The following WWP1 variants were observed in gnomAD, a reference collection of about 807,000 sequenced individuals.
The protein encoded by WWP1 is WW domain containing E3 ubiquitin protein ligase 1, also known as NEDD4-like E3 ubiquitin-protein ligase WWP1.
Under a neutral mutation model 130.6 loss-of-function variants are expected in WWP1, and 49 were observed. That is an observed-to-expected ratio of 0.38 (90% CI 0.30 to 0.48). The LOEUF (loss-of-function observed/expected upper bound fraction) is 0.48, where lower values mean the gene tolerates loss of function less well. WWP1 is among the 20% of genes least tolerant of loss of function. WWP1 has a pLI of 0.99. For missense variants in WWP1, 809 were observed against 1,100.6 expected, an observed-to-expected ratio of 0.74 and a Z score of 3.75; for synonymous variants, 332 against 367.8, an observed-to-expected ratio of 0.90 and a Z score of 1.11.
chr8:86,361,796 T>G (rs1030003738), intron 1 of WWP1, among the ~76,000 whole-genome samples: 1 of 151,952 alleles, frequency 6.6e-6, no homozygotes, highest in African/African-American at 2.4e-5. Context: ...TTAAGGTGCT[T>G]TTGTTCTTCT....
In WWP1 at chr8:86,445,976, C is replaced by CTTTTCT. The variant is rs1216312552; in HGVS notation, c.1999-2168_1999-2167insCTTTTT. ...CTTTTCTTTTCTTTTCTTTTCTTTT[C>CTTTTCT]TTTTTTTTTTTTTTTTTTTTTTGAG... On this transcript the variant is annotated intron_variant, in intron 18 of 24. Coordinates refer to ENST00000517970, the MANE Select transcript of WWP1 (RefSeq NM_007013.4). Among the ~76,000 whole-genome samples the CTTTTCT allele has an allele frequency of 1.5e-3, 125 of 84,988 alleles. 2 individuals are homozygous for CTTTTCT. The highest frequency in any genetic ancestry group is 3.2e-3 in the African/African-American group (74 of 23,336). 55.8% of individuals were successfully genotyped at this position (84,988 alleles called of 152,430 possible). A position where few individuals can be genotyped will look rare whatever the true frequency, so the allele number is the denominator to read the frequency against.
chr8:86,353,238 A>G (rs1233329889), intron 1 of WWP1, among the ~76,000 whole-genome samples: 1 of 151,474 alleles, frequency 6.6e-6, no homozygotes, highest in Admixed American at 6.6e-5. Flanking sequence ...ACTGTTATTT[A>G]GGGCCAAAGT....
Position 86,430,577 on chromosome 8 carries a change from C to T in WWP1, c.1333-120C>T, listed in dbSNP as rs540508029. ...CAGGCATGAGCCACTGCGCCCAACC[C>T]CTTATCATATTTTTAGAAAATTATT... is the stretch of plus-strand genomic sequence containing the variant. On this transcript the variant is annotated intron_variant, in intron 11 of 24. Coordinates refer to ENST00000517970, the MANE Select transcript of WWP1 (RefSeq NM_007013.4). 5.2e-5 allele frequency: 38 copies of T among 730,408 alleles called. 1 individual carries two copies. The East Asian group carries it at 1.1e-3, about 21-fold the overall frequency. The allele number at this position is 730,408 out of a possible 1,614,324, so 45.2% of individuals were successfully genotyped here.
intron 3 of WWP1, among the ~76,000 whole-genome samples, chr8:86,379,432 T>A (rs1824858987): frequency 6.6e-6 from 1 of 152,190 alleles, no homozygotes; most frequent in Non-Finnish European, 1.5e-5. Context: ...AATGGAAGCT[T>A]ACATAGCTTT....
At chr8:86,399,123 T>C (rs1807834847) in intron 7 of WWP1, among the ~76,000 whole-genome samples, 1 of 152,226 alleles carries the variant, frequency 6.6e-6, no homozygotes, top group African/African-American at 2.4e-5. Context: ...TTGCAGCATA[T>C]ACAGTGCTTT....
Position 86,407,988 on chromosome 8 carries a change from G to A in WWP1, c.725-3550G>A, listed in dbSNP as rs149322653. On this transcript the variant is annotated intron_variant, in intron 8 of 24. Coordinates refer to ENST00000517970, the MANE Select transcript of WWP1 (RefSeq NM_007013.4). ...TCTGTGGGTTTGAGAAATGCATATC[G>A]TCATGTACACACCATTACAGTATCA... Among the ~76,000 whole-genome samples the A allele has an allele frequency of 3.1e-3, 476 of 152,118 alleles. 2 individuals carry two copies. The highest frequency in any genetic ancestry group is 0.011 in the African/African-American group (449 of 41,496).
rs992628714 is a variant in WWP1 at position 86,431,709 on chromosome 8, A to G, written c.1567A>G (p.Thr523Ala). ...TGTTGATCATAACACAAGAACAACA[A>G]CATTCAAAGATCCTCGCAATGGGAA... ...YFVDHNTRTTTFKDPRNGKSS... is the reference protein window; with the variant it reads ...YFVDHNTRTTAFKDPRNGKSS... The change falls in exon 14 of 25, where the codon ACA becomes GCA. Residue 523 changes from threonine (T) to alanine (A), a missense_variant. By Grantham distance (58) the Thr-to-Ala change is moderately conservative. This residue lies in a region of WWP1 where 450 missense variants were observed against 674.2 expected (regional missense o/e 0.67). Coordinates refer to ENST00000517970, the MANE Select transcript of WWP1 (RefSeq NM_007013.4). 5.2e-5 allele frequency: 84 copies of G among 1,613,892 alleles called. No homozygotes were observed. The Admixed American group carries it at 6.2e-4, about 12-fold the overall frequency.
intron 9 of WWP1, among the ~76,000 whole-genome samples, chr8:86,415,847 C>G (rs1808861596): frequency 6.6e-6 from 1 of 152,178 alleles, no homozygotes; most frequent in South Asian, 2.1e-4. Flanking sequence ...TCTGTTGTCT[C>G]TCCACTAGAC....
At chr8:86,422,553 A>G (rs1026775833) in intron 9 of WWP1, among the ~76,000 whole-genome samples, 5 of 150,208 alleles carry the variant, frequency 3.3e-5, no homozygotes, top group African/African-American at 4.9e-5. Context: ...TGGGATTTTT[A>G]GTAGAGATGG....
Position 86,411,535 on chromosome 8 carries a change from C to T in WWP1, c.725-3C>T. The T allele has an allele frequency of 1.9e-6, 3 of 1,606,546 alleles. No individual in the cohort carries two copies. The highest frequency in any genetic ancestry group is 1.7e-5 in the Admixed American group (1 of 59,320). ...GATGATTTTATTAATTTTCCCTTCT[C>T]AGTTAATGGAGAATCATCCTCATTT... On this transcript the variant is annotated splice_region_variant and splice_polypyrimidine_tract_variant and intron_variant, in intron 8 of 24. Coordinates refer to ENST00000517970, the MANE Select transcript of WWP1 (RefSeq NM_007013.4).
chr8:86,366,893 A>G (rs930827709), intron 1 of WWP1, among the ~76,000 whole-genome samples: 4 of 152,266 alleles, frequency 2.6e-5, no homozygotes, highest in East Asian at 1.9e-4. Flanking sequence ...CTATATTCGT[A>G]TATATAATTT....
intron 3 of WWP1, among the ~76,000 whole-genome samples, chr8:86,379,061 C>T (rs2063986559): frequency 1.3e-5 from 2 of 152,154 alleles, no homozygotes; most frequent in African/African-American, 4.8e-5. Flanking sequence ...CTTTTAACAC[C>T]ATCATATACT....
intron 14 of WWP1, among the ~76,000 whole-genome samples, chr8:86,434,567 C>T (rs890598963): frequency 1.3e-5 from 2 of 152,138 alleles, no homozygotes; most frequent in Non-Finnish European, 2.9e-5. Context: ...TATACTTTGT[C>T]CTTTTAACAA....
intron 10 of WWP1, among the ~76,000 whole-genome samples, chr8:86,427,432 G>A (rs2130656918): frequency 6.6e-6 from 1 of 152,110 alleles, no homozygotes; most frequent in East Asian, 1.9e-4. Context: ...CTCTTGTAGT[G>A]CAGGACTAAA....
intron 3 of WWP1, among the ~76,000 whole-genome samples, chr8:86,376,071 A>G (rs1371757209): frequency 1.3e-5 from 2 of 152,260 alleles, no homozygotes; most frequent in Non-Finnish European, 2.9e-5. Context: ...TCTATTTTTG[A>G]AACAGTTCTG....
At chr8:86,424,770 G>A (rs952041835) in intron 9 of WWP1, among the ~76,000 whole-genome samples, 54 of 147,056 alleles carry the variant, frequency 3.7e-4, no homozygotes, top group African/African-American at 1.1e-3. Context: ...GTCCAGCTTC[G>A]GCTTGGCATC....
intron 24 of WWP1, among the ~76,000 whole-genome samples, chr8:86,465,700 T>C (rs1373309798): frequency 1.3e-5 from 2 of 152,156 alleles, no homozygotes; most frequent in African/African-American, 4.8e-5. Flanking sequence ...GTGAAAGATG[T>C]AAGAGAACAG....
intron 9 of WWP1, among the ~76,000 whole-genome samples, chr8:86,422,534 T>C (rs1809287676): frequency 6.6e-6 from 1 of 151,514 alleles, no homozygotes; most frequent in African/African-American, 2.4e-5. Flanking sequence ...GCTAATTTTT[T>C]TTTTTCTTTG....
chr8:86,407,650 C>T (rs1486254446), intron 8 of WWP1, among the ~76,000 whole-genome samples: 1 of 152,034 alleles, frequency 6.6e-6, no homozygotes, highest in South Asian at 2.1e-4. Context: ...CATCTTAATG[C>T]GGTTCTGAGC....
Sources: allele counts gnomAD v4.1 joint callset (sites outside exome capture counted in the v4.1 genomes callset), GRCh38; gene constraint gnomAD v4.1.1; regional missense constraint gnomAD v4.1.1; transcripts MANE v1.5; gene names NCBI Gene and HGNC (gene_info 2026-07-23, HGNC 2026-07-21).